ARSG: variants seen among roughly 807,000 people sequenced by gnomAD.
ARSG encodes the protein arylsulfatase G.
A neutral mutation model predicts 50.5 loss-of-function variants in ARSG; 37 were observed. The ratio of observed to expected loss-of-function variants is 0.73; its 90% CI spans 0.56 to 0.96. ARSG has a LOEUF of 0.96. Among genes scored for constraint, ARSG ranks in the 50% least tolerant of loss-of-function variants. The pLI, the probability that ARSG is intolerant of heterozygous loss-of-function variation, is 0.00. For synonymous variants in ARSG, 225 were observed against 254.6 expected (o/e 0.88, Z 1.11); for missense variants, 629 against 675.3 (o/e 0.93, Z 0.76).
intron 6 of ARSG, among the ~76,000 whole-genome samples, chr17:68,361,031 G>A (rs893620899): frequency 1.3e-5 from 2 of 152,064 alleles, no homozygotes; most frequent in Non-Finnish European, 2.9e-5. Context: ...CACCATGTTG[G>A]CCAAGCTTGT....
chr17:68,351,742 C>A, intron 5 of ARSG, 56 bp downstream of exon 5: 1 of 1,163,430 alleles, frequency 8.6e-7, no homozygotes, highest in Non-Finnish European at 1.3e-6. Flanking sequence ...AGTTCCAAGA[C>A]TGTGGTCCAT....
chr17:68,276,015 C>T (rs73351324), intron 1 of ARSG, among the ~76,000 whole-genome samples: 1,827 of 150,546 alleles, frequency 0.012, 34 homozygotes, highest in African/African-American at 0.042. Context: ...TCTTGATACT[C>T]ACTTAAAATA....
chr17:68,315,498 G>C (rs1469320691), intron 2 of ARSG, among the ~76,000 whole-genome samples: 1 of 151,924 alleles, frequency 6.6e-6, no homozygotes, highest in Non-Finnish European at 1.5e-5. Context: ...CTGCACTCCA[G>C]CCTGGGTGAT....
At chr17:68,259,810 A>G (rs2075045114) in intron 1 of ARSG, among the ~76,000 whole-genome samples, 1 of 152,106 alleles carries the variant, frequency 6.6e-6, no homozygotes, top group South Asian at 2.1e-4. Flanking sequence ...TGTCTATTGT[A>G]TTGGACAGTG....
intron 1 of ARSG, among the ~76,000 whole-genome samples, chr17:68,295,521 A>G (rs544931492): frequency 6.6e-6 from 1 of 152,076 alleles, no homozygotes; most frequent in Non-Finnish European, 1.5e-5. Flanking sequence ...TCTATAAATT[A>G]TCTCAAGCCT....
At chr17:68,450,770 G>A in the ARSG span, 2 of 1,613,506 alleles carry the variant, frequency 1.2e-6, no homozygotes, top group Admixed American at 1.7e-5. Flanking sequence ...TGGAGTAGCT[G>A]TAATTACAGA....
downstream of ARSG, among the ~76,000 whole-genome samples, chr17:68,423,486 G>T (rs933272862): frequency 4.8e-4 from 73 of 152,290 alleles, 1 homozygote; most frequent in East Asian, 1.9e-4. The surrounding 1 kb of genome is among the most constrained non-coding windows in gnomAD (Gnocchi z 4.4). Context: ...TGCACACAGG[G>T]GCTGCTTGAC....
In ARSG at chr17:68,378,368, C is replaced by T. The variant is rs1462510367; in HGVS notation, c.983-6696C>T. Among the ~76,000 whole-genome samples the T allele has an allele frequency of 2.0e-5, 3 of 152,346 alleles. No homozygotes were observed. The highest frequency in any genetic ancestry group is 3.9e-4 in the East Asian group (2 of 5,188). ...TCCCCTGTTCTCAGGGCCCCCAGGC[C>T]CCCCTGCTTGTCTTCCCTTTCCTTT... is the stretch of plus-strand genomic sequence containing the variant. On this transcript the variant is annotated intron_variant, in intron 8 of 11. Transcript: ENST00000621439. The surrounding 1 kb of genome is among the most constrained non-coding windows in gnomAD (Gnocchi z 4.4).
exon 1 of ARSG, chr17:68,259,327 T>C (rs1171343416): frequency 3.9e-5 from 6 of 152,176 alleles, no homozygotes; most frequent in African/African-American, 7.2e-5. Context: ...GGTAACCTCC[T>C]CCACTGCTGC....
At chr17:68,331,123 TA>T (rs2077721227) in intron 2 of ARSG, among the ~76,000 whole-genome samples, 1 of 151,952 alleles carries the variant, frequency 6.6e-6, no homozygotes, top group Non-Finnish European at 1.5e-5. Flanking sequence ...TAGCTGGGAC[TA>T]TAGGCGCCCA....
At chr17:68,356,905 A>ACATG in intron 6 of ARSG, 101 bp downstream of exon 6, 1 of 1,454,306 alleles carries the variant, frequency 6.9e-7, no homozygotes, top group South Asian at 1.2e-5. Flanking sequence ...GCCATGGCAG[A>ACATG]GTTTTGCTGC....
intron 1 of ARSG, among the ~76,000 whole-genome samples, chr17:68,266,004 G>A (rs1205624287): frequency 6.6e-6 from 1 of 152,072 alleles, no homozygotes; most frequent in Non-Finnish European, 1.5e-5. Context: ...CCAACCCCTG[G>A]CATGTAGAGT....
the ARSG span, chr17:68,430,172 T>C: frequency 6.2e-7 from 1 of 1,608,028 alleles, no homozygotes; most frequent in Non-Finnish European, 8.5e-7. Flanking sequence ...TAGGGAGTAA[T>C]GCACAGGCAA....
upstream of ARSG, among the ~76,000 whole-genome samples, chr17:68,289,896 C>T (rs1306659672): frequency 1.3e-5 from 2 of 152,102 alleles, no homozygotes; most frequent in South Asian, 2.1e-4. Context: ...CTGTAAGTTC[C>T]TATTTTGGAC....
At chr17:68,310,511 A>G (rs1281008404) in intron 2 of ARSG, among the ~76,000 whole-genome samples, 5 of 152,362 alleles carry the variant, frequency 3.3e-5, no homozygotes, top group African/African-American at 1.2e-4. Flanking sequence ...TAAAACACCC[A>G]GCTCCTTTCC....
chr17:68,373,743 A>G (rs781664401), intron 8 of ARSG, among the ~76,000 whole-genome samples: 1 of 151,930 alleles, frequency 6.6e-6, no homozygotes, highest in Non-Finnish European at 1.5e-5. Flanking sequence ...CTCTCTATAT[A>G]TATGTATAGA....
At chr17:68,344,441 A>G (rs985436140) in intron 3 of ARSG, among the ~76,000 whole-genome samples, 1 of 152,252 alleles carries the variant, frequency 6.6e-6, no homozygotes, top group African/African-American at 2.4e-5. Flanking sequence ...CACATTGTCC[A>G]ATGACTCCCT....
intron 9 of ARSG, among the ~76,000 whole-genome samples, chr17:68,387,908 G>C (rs2080805287): frequency 6.6e-6 from 1 of 151,974 alleles, no homozygotes; most frequent in Admixed American, 6.6e-5. Flanking sequence ...AGGGGGCGGG[G>C]GATCCATTCA....
At chr17:68,450,657 A>G in the ARSG span, 261 of 1,523,708 alleles carry the variant, frequency 1.7e-4, no homozygotes, top group Non-Finnish European at 2.3e-4. Context: ...ATTGATCTTG[A>G]AAGATGTCCA....
Sources: gnomAD v4.1 joint callset for allele counts (sites outside exome capture counted in the v4.1 genomes callset) on GRCh38, gnomAD v4.1.1 for gene constraint, Gnocchi (gnomAD v3.1) non-coding constraint, MANE v1.5 for transcripts, NCBI Gene and HGNC (gene_info 2026-07-23, HGNC 2026-07-21) for gene names.